The following RBFOX1 variants were observed in gnomAD, a reference collection of about 807,000 sequenced individuals.
RBFOX1 encodes the protein RNA binding protein fox-1 homolog 1.
Under a neutral mutation model 57.7 loss-of-function variants are expected in RBFOX1, and 8 were observed. The observed-to-expected ratio is 0.14, with a 90% CI of 0.08 to 0.25. The LOEUF (loss-of-function observed/expected upper bound fraction) is 0.25, where lower values mean the gene tolerates loss of function less well. Among genes scored for constraint, RBFOX1 ranks in the 10% least tolerant of loss-of-function variants. The pLI, the probability that RBFOX1 is intolerant of heterozygous loss-of-function variation, is 1.00. For synonymous variants in RBFOX1, 326 were observed against 222.4 expected, an observed-to-expected ratio of 1.47 and a Z score of -4.15; for missense variants, 611 against 548.5, an observed-to-expected ratio of 1.11 and a Z score of -1.14.
chr16:6,600,249 A>C (rs766259704), intron 2 of RBFOX1, among the ~76,000 whole-genome samples: 3 of 151,982 alleles, frequency 2.0e-5, no homozygotes, highest in Non-Finnish European at 4.4e-5. Context: ...CACCAGACAG[A>C]ATCTCGGGGC....
intron 3 of RBFOX1, among the ~76,000 whole-genome samples, chr16:6,783,598 C>G (rs1323141887): frequency 6.6e-6 from 1 of 151,990 alleles, no homozygotes; most frequent in East Asian, 1.9e-4. Context: ...TTTTTACTGT[C>G]TTTCAACAAA....
chr16:5,837,814 A>C (rs2056507473), intron 3 of RBFOX1, among the ~76,000 whole-genome samples: 1 of 152,162 alleles, frequency 6.6e-6, no homozygotes, highest in African/African-American at 2.4e-5. Context: ...CTCATTGATC[A>C]CACTATCCTT....
chr16:7,517,569 CACACAACAT>C (rs2076643945), intron 4 of RBFOX1, among the ~76,000 whole-genome samples: 1 of 151,532 alleles, frequency 6.6e-6, no homozygotes, highest in African/African-American at 2.4e-5. Context: ...CACACACACA[CACACAACAT>C]AACACACAAC....
At chr16:6,125,951 A>G (rs2096586625) in intron 1 of RBFOX1, among the ~76,000 whole-genome samples, 1 of 152,218 alleles carries the variant, frequency 6.6e-6, no homozygotes, top group Non-Finnish European at 1.5e-5. Context: ...TGGTAAAGCT[A>G]TAAGGAATGG....
At chr16:6,737,989 C>G (rs983857277) in intron 3 of RBFOX1, among the ~76,000 whole-genome samples, 8 of 151,038 alleles carry the variant, frequency 5.3e-5, no homozygotes, top group African/African-American at 1.7e-4. Context: ...TAAATAAATT[C>G]TAACTATTGC....
At chr16:7,218,320 C>G (rs1041860269) in intron 4 of RBFOX1, among the ~76,000 whole-genome samples, 3 of 152,146 alleles carry the variant, frequency 2.0e-5, no homozygotes, top group East Asian at 3.9e-4. Context: ...ATACTCTAAG[C>G]CATCATCAGT....
chr16:6,561,048 A>G (rs142120420), intron 2 of RBFOX1, among the ~76,000 whole-genome samples: 1 of 152,248 alleles, frequency 6.6e-6, no homozygotes, highest in South Asian at 2.1e-4. Flanking sequence ...AAGTTGAATT[A>G]TCTGCTTAAT....
chr16:7,081,940 A>T (rs1316301503), intron 4 of RBFOX1, among the ~76,000 whole-genome samples: 1 of 152,102 alleles, frequency 6.6e-6, no homozygotes, highest in Non-Finnish European at 1.5e-5. Context: ...GTTTCTCCTA[A>T]AGGAGAAGAA....
intron 4 of RBFOX1, among the ~76,000 whole-genome samples, chr16:7,447,399 C>G (rs1382662946): frequency 6.8e-6 from 1 of 146,546 alleles, no homozygotes; most frequent in East Asian, 2.1e-4. Context: ...TGCCACTGCA[C>G]TCCAGGCTGG....
chr16:6,309,208 G>C (rs1038949525), intron 1 of RBFOX1, among the ~76,000 whole-genome samples: 1 of 151,884 alleles, frequency 6.6e-6, no homozygotes, highest in Admixed American at 6.6e-5. Context: ...TTCATACTGG[G>C]TCTAGCTAAA....
At chr16:6,489,841 G>A (rs1045308078) in intron 2 of RBFOX1, among the ~76,000 whole-genome samples, 3 of 152,172 alleles carry the variant, frequency 2.0e-5, no homozygotes, top group African/African-American at 7.2e-5. Context: ...CCACCAAAGG[G>A]AAACACTAAT....
intron 5 of RBFOX1, among the ~76,000 whole-genome samples, chr16:7,545,287 C>G (rs1292777136): frequency 1.3e-5 from 2 of 151,556 alleles, no homozygotes; most frequent in African/African-American, 4.9e-5. Context: ...GACACGAAGC[C>G]CACCACTGAG....
At chr16:5,992,880 T>G (rs2060425140) in intron 4 of RBFOX1, among the ~76,000 whole-genome samples, 1 of 152,178 alleles carries the variant, frequency 6.6e-6, no homozygotes, top group Admixed American at 6.5e-5. Flanking sequence ...GAGGTTGCAG[T>G]GAGCCAAGAT....
chr16:6,914,627 A>C (rs931311950), intron 3 of RBFOX1, among the ~76,000 whole-genome samples: 1 of 152,080 alleles, frequency 6.6e-6, no homozygotes, highest in Non-Finnish European at 1.5e-5. Context: ...TAATCGCAGC[A>C]CTTTGGGAGG....
chr16:7,318,774 C>G (rs758340905), intron 4 of RBFOX1, among the ~76,000 whole-genome samples: 17 of 152,080 alleles, frequency 1.1e-4, no homozygotes, highest in Non-Finnish European at 1.9e-4. Flanking sequence ...TTCTCTCAAC[C>G]GCCAGACCCA....
chr16:7,664,967 A>G lies in RBFOX1; in HGVS notation c.929A>G (p.Tyr310Cys). ...GATGGATTTTATGGTGCAGACATTT[A>G]TGTAAGTATTCATTCACGTGCATGC... The part of the protein sequence containing the change: ...YQDGFYGADI[Y>C]GGYAAYRYAQ... Residue 310 changes from tyrosine to cysteine, a missense_variant and splice_region_variant, in exon 13 of 16, where the codon TAT becomes TGT. By Grantham distance (194) the Tyr-to-Cys change is radical. Around this residue, in one of 3 missense-constraint regions of RBFOX1, gnomAD observed 267 missense variants for 229.1 expected, o/e 1.17. Transcript: ENST00000550418. The G allele has an allele frequency of 1.2e-6, 2 of 1,613,874 alleles. No individual in the cohort carries two copies. The highest frequency in any genetic ancestry group is 1.7e-6 in the Non-Finnish European group (2 of 1,179,832).
chr16:5,557,014 C>G (rs1440920162), intron 2 of RBFOX1, among the ~76,000 whole-genome samples: 2 of 152,138 alleles, frequency 1.3e-5, no homozygotes, highest in Non-Finnish European at 2.9e-5. Context: ...AATCCCAGCA[C>G]TTTGGGAGGC....
At chr16:5,479,279 C>T (rs142722436) in intron 2 of RBFOX1, among the ~76,000 whole-genome samples, 126 of 152,184 alleles carry the variant, frequency 8.3e-4, no homozygotes, top group African/African-American at 2.7e-3. Flanking sequence ...GACATGTTTG[C>T]CCTGTTCATT....
At chr16:5,840,391 C>A (rs368846389) in intron 3 of RBFOX1, among the ~76,000 whole-genome samples, 1 of 152,096 alleles carries the variant, frequency 6.6e-6, no homozygotes, top group Non-Finnish European at 1.5e-5. Context: ...CGTCTGAGGG[C>A]GCATGAGATG....
Sources: gnomAD v4.1 joint callset for allele counts (sites outside exome capture counted in the v4.1 genomes callset) on GRCh38, gnomAD v4.1.1 for gene constraint, gnomAD v4.1.1 regional missense constraint, MANE v1.5 for transcripts, NCBI Gene and HGNC (gene_info 2026-07-23, HGNC 2026-07-21) for gene names.